USP2: variants seen among roughly 807,000 people sequenced by gnomAD.
USP2 encodes ubiquitin specific peptidase 2.
In USP2, 33 loss-of-function variants were observed where a neutral mutation model predicts 72.0. The ratio of observed to expected loss-of-function variants is 0.46; its 90% confidence interval spans 0.35 to 0.61. The LOEUF is 0.61. USP2 is among the 20% of genes least tolerant of loss of function. USP2 has a pLI of 0.01. For synonymous variants in USP2, 296 were observed against 312.5 expected, an observed-to-expected ratio of 0.95 and a Z score of 0.56; for missense variants, 691 against 797.8, an observed-to-expected ratio of 0.87 and a Z score of 1.61.
At position 119,355,497 on chromosome 11, in the gene USP2, T is replaced by G. The variant is rs573979042; in HGVS notation, c.*1338A>C. ...GACAGCACAGAGTTTTATCCAACTA[T>G]GTAGGGCAAAATTGAGCCCACAGGA... On this transcript the variant is annotated 3_prime_UTR_variant, in exon 13 of 13. Transcript: ENST00000260187. The G allele has an allele frequency of 5.9e-5, 9 of 152,316 alleles. No individual in the cohort carries two copies. Among genetic ancestry groups the G allele is most frequent in the African/African-American group, 2.2e-4 (9 of 41,556 alleles). 9.4% of individuals were successfully genotyped at this position (152,316 alleles called of 1,614,324 possible).
chr11:119,368,275 G>T (rs974871622), intron 2 of USP2, among the ~76,000 whole-genome samples: 1 of 152,220 alleles, frequency 6.6e-6, no homozygotes, highest in Non-Finnish European at 1.5e-5. Flanking sequence ...AGTGATCCCG[G>T]GGTGGGAGTA....
In USP2 at chr11:119,376,320, C is replaced by T. The variant is rs897175549; in HGVS notation, c.-41-2799G>A. On this transcript the variant is annotated intron_variant, in intron 1 of 12. Coordinates refer to ENST00000260187, the MANE Select transcript of USP2 (RefSeq NM_004205.5). ...CTCGCTGCGCAAGACAGGGACAGGA[C>T]GGGCACTCACGTGGCTGCGAGTCTC... 2.5e-5 allele frequency: 25 copies of T among 985,482 alleles called. No homozygotes were observed. The South Asian group carries it at 3.3e-4, about 13-fold the overall frequency. 61.0% of individuals were successfully genotyped at this position (985,482 alleles called of 1,614,324 possible).
Position 119,359,617 on chromosome 11 carries a change from T to G in USP2, c.869A>C (p.Glu290Ala). ...SILQCLSNTR[E>A]LRDYCLQRLY... ...CCTCTGGAGGCAGTAATCTCTCAAC[T>G]CCCGAGTGTTGCTCAGGCACTGCAG... The change falls in exon 4 of 13, where the codon GAG (glutamate) becomes GCG (alanine). Residue 290 changes from glutamate (E) to alanine (A), a missense_variant. Physicochemically the swap from Glu to Ala is moderately radical, Grantham distance 107. Transcript: ENST00000260187. 1 of 1,613,890 alleles carries G rather than the reference T, an allele frequency of 6.2e-7. No individual in the cohort carries two copies.
At chr11:119,377,734 G>A (rs931536976) in intron 1 of USP2, among the ~76,000 whole-genome samples, 4 of 152,128 alleles carry the variant, frequency 2.6e-5, no homozygotes, top group African/African-American at 9.7e-5. Context: ...CCCTGTCCCC[G>A]TGGGGCAGCC....
Position 119,357,066 on chromosome 11 carries a change from A to ATCCAT in USP2, c.1730+116_1730+120dup. On this transcript the variant is annotated intron_variant, in intron 12 of 12. Transcript: ENST00000260187. ...CGGCTTCGTGGCCTTAAACTTTGCCATCCATTCTCGGTGTAAGCCGTGCGG... is the reference window on the plus strand; with the variant it reads ...CGGCTTCGTGGCCTTAAACTTTGCCATCCATTCCATTCTCGGTGTAAGCCGTGCGG... 3.8e-6 allele frequency: 4 copies of ATCCAT among 1,057,092 alleles called. No individual in the cohort carries two copies. The South Asian group carries it at 5.8e-5, about 15-fold the overall frequency. 65.5% of individuals were successfully genotyped at this position (1,057,092 alleles called of 1,614,324 possible).
intron 1 of USP2, 62 bp from the exon 2 acceptor site, chr11:119,373,583 G>C (rs1823283764): frequency 1.4e-6 from 2 of 1,404,330 alleles, no homozygotes; most frequent in Admixed American, 2.8e-5. Context: ...CCACAGACCT[G>C]CTCCCCATCC....
chr11:119,372,837 G>T lies in USP2; in HGVS notation c.644C>A (p.Ala215Asp). 6.2e-7 allele frequency: 1 copy of T among 1,608,166 alleles called. No homozygotes were observed. The change falls in exon 2 of 13, where the codon GCC becomes GAC. Residue 215 changes from alanine (A) to aspartate (D), a missense_variant. By Grantham distance (126) the Ala-to-Asp change is moderately radical. Transcript: ENST00000260187. The part of the protein sequence containing the change: ...KGSASQVPSQ[A>D]PPSRVPEIIS... Reference sequence around the variant, plus strand: ...GATTTCAGGGACTCGTGAGGGAGGGGCCTGGGAGGGCACCTGAGATGCACT... The same window carrying T: ...GATTTCAGGGACTCGTGAGGGAGGGTCCTGGGAGGGCACCTGAGATGCACT...
chr11:119,367,375 G>A (rs1950869003), intron 2 of USP2, among the ~76,000 whole-genome samples: 2 of 152,252 alleles, frequency 1.3e-5, no homozygotes, highest in Non-Finnish European at 2.9e-5. Flanking sequence ...AGAGTATTCT[G>A]CTTCTCTCAG....
chr11:119,381,003 T>C (rs1951053003), intron 1 of USP2, among the ~76,000 whole-genome samples: 2 of 152,196 alleles, frequency 1.3e-5, no homozygotes, highest in South Asian at 4.1e-4. Context: ...GGTTTGGGAC[T>C]GGTGAGAATT....
rs923466337 is a variant in USP2, at chr11:119,381,621, C to A, written c.-190G>T. The A allele has an allele frequency of 1.2e-5, 17 of 1,443,156 alleles. No homozygotes were observed. The Admixed American group carries it at 1.4e-4, about 12-fold the overall frequency. The allele number at this position is 1,443,156 out of a possible 1,614,324, so 89.4% of individuals were successfully genotyped here. On this transcript the variant is annotated 5_prime_UTR_variant, in exon 1 of 13. Transcript: ENST00000260187. ...CTCCTGCCTGACTCTCTCCCACCTC[C>A]GCCGGGGGCCCAGAAGGGACCTCCC...
chr11:119,369,352 G>T (rs1027379370), intron 2 of USP2, among the ~76,000 whole-genome samples: 1 of 151,864 alleles, frequency 6.6e-6, no homozygotes, highest in Non-Finnish European at 1.5e-5. Flanking sequence ...TTCAAAGTTC[G>T]TGTTGCCTAT....
intron 2 of USP2, chr11:119,364,211 C>G (rs1401685788): frequency 1.8e-6 from 2 of 1,127,100 alleles, no homozygotes; most frequent in East Asian, 4.7e-5. Flanking sequence ...GGCCGACTGG[C>G]GGCCCCGCCG....
intron 4 of USP2, 96 bp from the exon 5 acceptor site, chr11:119,359,438 A>G: frequency 6.3e-7 from 1 of 1,590,056 alleles, no homozygotes; most frequent in African/African-American, 1.3e-5. Context: ...AGAAAGACAG[A>G]CAGGATAGGA....
intron 2 of USP2, among the ~76,000 whole-genome samples, chr11:119,362,067 T>A (rs1950772914): frequency 6.6e-6 from 1 of 152,228 alleles, no homozygotes; most frequent in Admixed American, 6.5e-5. Context: ...GCTTTATTAG[T>A]TCTTAGCCCC....
chr11:119,365,035 A>G (rs1333271352), intron 2 of USP2, among the ~76,000 whole-genome samples: 3 of 152,200 alleles, frequency 2.0e-5, no homozygotes, highest in African/African-American at 7.2e-5. Context: ...CTGGAAGATC[A>G]GGGGTCTTTA....
intron 2 of USP2, among the ~76,000 whole-genome samples, chr11:119,370,795 G>C (rs1456977801): frequency 1.3e-5 from 2 of 152,298 alleles, no homozygotes; most frequent in East Asian, 3.9e-4. Context: ...GTTTGTCCCA[G>C]GGCAATCTGC....
At chr11:119,374,009 G>A (rs182178325) in intron 1 of USP2, among the ~76,000 whole-genome samples, 1 of 152,314 alleles carries the variant, frequency 6.6e-6, no homozygotes, top group East Asian at 1.9e-4. Context: ...TAGACTGTCT[G>A]TGCTGGAATG....
chr11:119,367,756 T>C (rs189108674), intron 2 of USP2, among the ~76,000 whole-genome samples: 1 of 152,318 alleles, frequency 6.6e-6, no homozygotes, highest in East Asian at 1.9e-4. Context: ...TGTCTCCGTC[T>C]GGGGCGCTAG....
intron 2 of USP2, among the ~76,000 whole-genome samples, chr11:119,360,917 G>C (rs1340632762): frequency 6.6e-6 from 1 of 152,116 alleles, no homozygotes; most frequent in African/African-American, 2.4e-5. Flanking sequence ...AAATCCAGGT[G>C]CTATCTCAAA....
Sources: allele counts gnomAD v4.1 joint callset (sites outside exome capture counted in the v4.1 genomes callset), GRCh38; gene constraint gnomAD v4.1.1; transcripts MANE v1.5; gene names NCBI Gene and HGNC (gene_info 2026-07-23, HGNC 2026-07-21).